Variants in DHRS12 observed in about 807,000 individuals in gnomAD.
DHRS12 encodes the protein dehydrogenase/reductase 12.
In DHRS12, 29 loss-of-function variants were observed where a neutral mutation model predicts 32.1. The ratio of observed to expected loss-of-function variants is 0.90; its 90% CI spans 0.67 to 1.23. The LOEUF (loss-of-function observed/expected upper bound fraction) is 1.23, where lower values mean the gene tolerates loss of function less well. Ranked by LOEUF, DHRS12 falls within the 50% of genes most tolerant of loss-of-function variation. The probability of loss-of-function intolerance (pLI) is 0.00; values close to 1 mark genes in which losing one functional copy is unlikely to be tolerated. For missense variants in DHRS12, 330 were observed against 337.2 expected (o/e 0.98, Z 0.17); for synonymous variants, 150 against 135.9 (o/e 1.10, Z -0.72).
intron 2 of DHRS12, among the ~76,000 whole-genome samples, chr13:51,798,990 G>C (rs1041651842): frequency 1.3e-5 from 2 of 152,204 alleles, no homozygotes; most frequent in Admixed American, 1.3e-4. Context: ...CTTAGGGGAG[G>C]GAAGCGGGAG....
rs1315473663 is a variant in DHRS12 at position 51,775,975 on chromosome 13, CTACAG to C, written c.363+1080_363+1084del. The C allele has an allele frequency of 6.7e-5, 9 of 133,396 alleles. 1 individual carries two copies. Among genetic ancestry groups the C allele is most frequent in the Non-Finnish European group, 9.5e-5 (6 of 63,386 alleles). 8.3% of individuals were successfully genotyped at this position (133,396 alleles called of 1,614,324 possible). Reference sequence around the variant, plus strand: ...CCTACATGTATTCTACAGTATTCTCCTACAGTATTCTCCTACATGTATTCTACAGT... The same window carrying C: ...CCTACATGTATTCTACAGTATTCTCCTATTCTCCTACATGTATTCTACAGT... On this transcript the variant is annotated intron_variant, in intron 5 of 8. Coordinates refer to ENST00000444610, the MANE Select transcript of DHRS12 (RefSeq NM_001377533.1).
chr13:51,797,110 T>G (rs1955542564), intron 2 of DHRS12, among the ~76,000 whole-genome samples: 1 of 152,096 alleles, frequency 6.6e-6, no homozygotes, highest in African/African-American at 2.4e-5. Context: ...CGAGCAGCCA[T>G]GACTGAGGGT....
In DHRS12 at chr13:51,773,994, T is replaced by G. The variant is rs1199550191; in HGVS notation, c.404A>C (p.Asn135Thr). ...SSGGMLVQKL[N>T]TNDLQSERTP... Reference sequence around the variant, plus strand: ...TCTTTCGGACTGGAGATCATTGGTGTTCAGTTTCTGAACCAACATTCCTCC... The same window carrying G: ...TCTTTCGGACTGGAGATCATTGGTGGTCAGTTTCTGAACCAACATTCCTCC... The change falls in exon 6 of 9, where the codon AAC becomes ACC. Residue 135 changes from asparagine (N) to threonine (T), a missense_variant. By Grantham distance (65) the Asn-to-Thr change is moderately conservative. Transcript: ENST00000444610. 6.2e-7 allele frequency: 1 copy of G among 1,614,024 alleles called. No homozygotes were observed. The highest frequency in any genetic ancestry group is 1.1e-5 in the South Asian group (1 of 91,078).
the DHRS12 span, among the ~76,000 whole-genome samples, chr13:51,755,841 T>G: frequency 6.6e-6 from 1 of 152,246 alleles, no homozygotes; most frequent in Non-Finnish European, 1.5e-5. Context: ...TTAGATCTAC[T>G]TATAATACAG....
chr13:51,781,345 C>T (rs901026595), intron 4 of DHRS12, among the ~76,000 whole-genome samples: 2 of 151,922 alleles, frequency 1.3e-5, no homozygotes, highest in South Asian at 2.1e-4. Flanking sequence ...AACTCATCCC[C>T]GCCACCTTAT....
chr13:51,769,240 AGCGCAGGCGGTCCCCGAACCTG>A lies in DHRS12; in HGVS notation c.591_612del (p.Arg198ProfsTer90). Reference sequence around the variant, plus strand: ...ATGGTGTCCGCGCCCTGGGCCTCGGAGCGCAGGCGGTCCCCGAACCTGGCGTGGAACCCCGGCATCGCCTGCC... The same window carrying A: ...ATGGTGTCCGCGCCCTGGGCCTCGGAGCGTGGAACCCCGGCATCGCCTGCC... On this transcript the variant is annotated frameshift_variant, in exon 8 of 9. Transcript: ENST00000444610. LOFTEE classifies it high-confidence loss of function. The A allele has an allele frequency of 6.3e-7, 1 of 1,590,312 alleles. No individual in the cohort carries two copies. The highest frequency in any genetic ancestry group is 8.6e-7 in the Non-Finnish European group (1 of 1,169,408).
Position 51,790,086 on chromosome 13 carries a change from T to G in DHRS12, c.226A>C (p.Asn76His). 1 of 1,583,438 alleles carries G rather than the reference T, an allele frequency of 6.3e-7. No homozygotes were observed. Reference protein sequence around the residue: ...QEHKLHVLINNAGCMVNKREL... With the variant: ...QEHKLHVLINHAGCMVNKREL... ...CTTTTATTGACCATGCAACCTGCAT[T>G]ATTGATCTAAAATTTATAGTTCTCA... Residue 76 changes from asparagine to histidine, a missense_variant, in exon 4 of 9, where the codon AAT becomes CAT. Transcript: ENST00000444610.
chr13:51,758,217 G>T, the DHRS12 span: 1 of 1,588,128 alleles, frequency 6.3e-7, no homozygotes, highest in South Asian at 1.1e-5. Context: ...CACCTTCCAT[G>T]ACAGTAAACA....
the DHRS12 span, chr13:51,755,481 T>A: frequency 5.0e-6 from 8 of 1,603,306 alleles, no homozygotes; most frequent in East Asian, 1.6e-4. Context: ...GGATGCTTCA[T>A]CAAAATGTAA....
chr13:51,781,087 A>AC lies in DHRS12; in HGVS notation c.302-3967dup, dbSNP rs556466731. Among the ~76,000 whole-genome samples, 5 of 152,310 alleles carry AC rather than the reference A, an allele frequency of 3.3e-5. No homozygotes were observed. The South Asian group carries it at 8.3e-4, about 25-fold the overall frequency. ...GGAGCAGACAGCTGCACTGGTGAAC[A>AC]CCATTTGGTACTTCTTTTGTACAGT... On this transcript the variant is annotated intron_variant, in intron 4 of 8. Coordinates refer to ENST00000444610, the MANE Select transcript of DHRS12 (RefSeq NM_001377533.1).
chr13:51,784,829 A>G (rs1392765088), intron 4 of DHRS12, among the ~76,000 whole-genome samples: 3 of 152,220 alleles, frequency 2.0e-5, no homozygotes, highest in African/African-American at 7.2e-5. Context: ...ATGATTACTG[A>G]AATTATGTAT....
At chr13:51,777,222 C>G (rs1193716568) in intron 4 of DHRS12, 101 bp from the exon 5 acceptor site, 3 of 1,359,538 alleles carry the variant, frequency 2.2e-6, no homozygotes, top group African/African-American at 1.4e-5. Context: ...ACCCGCCCCC[C>G]ACAAGAGGGC....
intron 8 of DHRS12, 175 bp downstream of exon 8, chr13:51,768,981 A>G: frequency 6.4e-6 from 9 of 1,414,932 alleles, no homozygotes; most frequent in Non-Finnish European, 8.3e-6. Flanking sequence ...CCTGGAGTGA[A>G]GCGCTTCCCA....
the DHRS12 span, chr13:51,756,631 T>A: frequency 5.1e-6 from 5 of 985,290 alleles, no homozygotes; most frequent in Middle Eastern, 5.2e-4. Context: ...ATTTGTGGTA[T>A]CCTGTGAGAT....
chr13:51,797,004 G>A (rs1270521967), intron 2 of DHRS12, among the ~76,000 whole-genome samples: 1 of 152,180 alleles, frequency 6.6e-6, no homozygotes, highest in African/African-American at 2.4e-5. Context: ...GGTACTGTCT[G>A]TCCCTCCCCA....
chr13:51,759,793 A>T, the DHRS12 span: 1 of 1,612,772 alleles, frequency 6.2e-7, no homozygotes, highest in African/African-American at 1.3e-5. Context: ...AATCAGAAAG[A>T]TAGTATTTAC....
At chr13:51,778,933 C>CTG (rs1176788298) in intron 4 of DHRS12, among the ~76,000 whole-genome samples, 1 of 151,918 alleles carries the variant, frequency 6.6e-6, no homozygotes, top group Non-Finnish European at 1.5e-5. Flanking sequence ...ATGTGGGTGT[C>CTG]TGTGTATATA....
chr13:51,771,471 T>G, intron 7 of DHRS12: 1 of 1,614,182 alleles, frequency 6.2e-7, no homozygotes, highest in East Asian at 2.2e-5. Flanking sequence ...TCCCACTACC[T>G]TCCTCAGCTC....
At chr13:51,765,382 G>GTC (rs1042838951), downstream of DHRS12, 42 of 152,112 alleles carry the variant, frequency 2.8e-4, no homozygotes, top group African/African-American at 9.7e-4. Context: ...TGAAAGCAGT[G>GTC]TCTAAAAATT....
Sources: gnomAD v4.1 joint callset for allele counts (sites outside exome capture counted in the v4.1 genomes callset) on GRCh38, gnomAD v4.1.1 for gene constraint, MANE v1.5 for transcripts, NCBI Gene and HGNC (gene_info 2026-07-23, HGNC 2026-07-21) for gene names.